The following CEP63 variants were observed in gnomAD, a reference collection of about 807,000 sequenced individuals.
CEP63 encodes the protein centrosomal protein of 63 kDa.
In CEP63, 84 loss-of-function variants were observed where a neutral mutation model predicts 89.1. That is an observed-to-expected ratio of 0.94 (90% CI 0.79 to 1.13). CEP63 has a LOEUF of 1.13. Ranked by LOEUF, CEP63 falls within the 50% of genes most tolerant of loss-of-function variation. CEP63 has a pLI of 0.00. For synonymous variants in CEP63, 267 were observed against 272.5 expected, an observed-to-expected ratio of 0.98 and a Z score of 0.20; for missense variants, 838 against 813.3, an observed-to-expected ratio of 1.03 and a Z score of -0.37.
the CEP63 span, among the ~76,000 whole-genome samples, chr3:134,715,921 C>T: frequency 6.6e-6 from 1 of 152,132 alleles, no homozygotes. Context: ...CAATTAAGCT[C>T]CTAAAACCAG....
In CEP63 at chr3:134,563,520, T is replaced by G. The variant is rs1957529719; in HGVS notation, c.*1985T>G. ...TCTCTGCAACCTCCACCTCCCGGGC[T>G]CAAGTGATTCTCCTGCCTTAGCTTC... On this transcript the variant is annotated 3_prime_UTR_variant, in exon 15 of 15. Transcript: ENST00000675561. The G allele has an allele frequency of 6.6e-6, 1 of 152,156 alleles. No individual in the cohort carries two copies. The highest frequency in any genetic ancestry group is 2.4e-5 in the African/African-American group (1 of 41,382). The allele number at this position is 152,156 out of a possible 1,614,324, so 9.4% of individuals were successfully genotyped here. A position where few individuals can be genotyped will look rare whatever the true frequency, so the allele number is the denominator to read the frequency against.
At chr3:134,529,339 C>CTTTTTTTTTTTTTTTT in intron 3 of CEP63, among the ~76,000 whole-genome samples, 1 of 116,938 alleles carries the variant, frequency 8.6e-6, no homozygotes, top group Non-Finnish European at 1.7e-5. Flanking sequence ...TCCCCATTGA[C>CTTTTTTTTTTTTTTTT]TTTTTTTTTT....
In CEP63 at chr3:134,561,618, A is replaced by G; in HGVS notation, c.*83A>G. 9 of 1,539,090 alleles carry G rather than the reference A, an allele frequency of 5.8e-6. No homozygotes were observed. The highest frequency in any genetic ancestry group is 4.9e-5 in the South Asian group (4 of 81,750). On this transcript the variant is annotated 3_prime_UTR_variant, in exon 15 of 15. Transcript: ENST00000675561. ...TCTGAAGTAGCAGCTCTTTAAAAAC[A>G]TGAAGAGATAAAATTATAAAAATGA...
chr3:134,567,898 A>G (rs1429886478), downstream of CEP63, among the ~76,000 whole-genome samples: 1 of 152,228 alleles, frequency 6.6e-6, no homozygotes, highest in Non-Finnish European at 1.5e-5. Context: ...GTTTACAAAC[A>G]CTTTAGAGGG....
the CEP63 span, among the ~76,000 whole-genome samples, chr3:134,707,739 C>CTTTT: frequency 0.55 from 65,968 of 120,292 alleles, 20,919 homozygotes; most frequent in East Asian, 0.72. Flanking sequence ...TGATTCTTTT[C>CTTTT]TTTTTTTTTT....
chr3:134,665,401 G>GT, the CEP63 span, among the ~76,000 whole-genome samples: 1 of 152,216 alleles, frequency 6.6e-6, no homozygotes, highest in Admixed American at 6.5e-5. Flanking sequence ...AGCCTGGCCT[G>GT]TTTCAAGGTT....
At chr3:134,743,112 G>A in the CEP63 span, among the ~76,000 whole-genome samples, 12 of 152,304 alleles carry the variant, frequency 7.9e-5, no homozygotes, top group Admixed American at 2.0e-4. Context: ...GCCATATGGG[G>A]CATGCATGGA....
chr3:134,551,112 G>A (rs1485249800), intron 11 of CEP63, among the ~76,000 whole-genome samples: 1 of 152,182 alleles, frequency 6.6e-6, no homozygotes, highest in African/African-American at 2.4e-5. Context: ...ACACAGACTG[G>A]GGAAACTGGT....
chr3:134,655,169 C>G, the CEP63 span, among the ~76,000 whole-genome samples: 1 of 152,064 alleles, frequency 6.6e-6, no homozygotes, highest in African/African-American at 2.4e-5. Context: ...TCCTGTATTC[C>G]AGCCAGACCC....
the CEP63 span, among the ~76,000 whole-genome samples, chr3:134,696,243 C>G: frequency 6.6e-6 from 1 of 152,242 alleles, no homozygotes; most frequent in African/African-American, 2.4e-5. Context: ...CTAAGCGTGA[C>G]TTGCCCTTGA....
the CEP63 span, among the ~76,000 whole-genome samples, chr3:134,774,427 T>A: frequency 6.6e-6 from 1 of 152,194 alleles, no homozygotes; most frequent in East Asian, 1.9e-4. Flanking sequence ...AAGTACCTTC[T>A]AAGGAGAATC....
the CEP63 span, among the ~76,000 whole-genome samples, chr3:134,765,472 T>G: frequency 6.6e-6 from 1 of 151,820 alleles, no homozygotes; most frequent in Non-Finnish European, 1.5e-5. Context: ...CATCTGTGAG[T>G]GAGTGAATAA....
the CEP63 span, chr3:134,620,917 G>C: frequency 9.9e-7 from 1 of 1,015,026 alleles, no homozygotes; most frequent in South Asian, 1.4e-5. Flanking sequence ...TGGGGGCCCA[G>C]CATCTTGCAC....
chr3:134,767,665 G>A, the CEP63 span, among the ~76,000 whole-genome samples: 2 of 152,130 alleles, frequency 1.3e-5, no homozygotes, highest in South Asian at 2.1e-4. Context: ...GCCTTTTCCC[G>A]ACTCCCACAC....
chr3:134,646,805 C>T, the CEP63 span, among the ~76,000 whole-genome samples: 3 of 152,118 alleles, frequency 2.0e-5, no homozygotes, highest in South Asian at 2.1e-4. Flanking sequence ...AGAACCTTCA[C>T]GTGCCCACTG....
At chr3:134,629,760 A>G in the CEP63 span, 1 of 927,882 alleles carries the variant, frequency 1.1e-6, no homozygotes, top group Non-Finnish European at 1.7e-6. Context: ...ATGCCTCATG[A>G]CTGATGATTG....
the CEP63 span, among the ~76,000 whole-genome samples, chr3:134,620,310 C>T: frequency 2.3e-4 from 35 of 152,272 alleles, no homozygotes; most frequent in African/African-American, 8.2e-4. Context: ...AAGTGGAGAA[C>T]CCGCTTTTCC....
the CEP63 span, among the ~76,000 whole-genome samples, chr3:134,694,142 G>A: frequency 6.6e-6 from 1 of 152,170 alleles, no homozygotes. Flanking sequence ...TGAAGGGCAG[G>A]GGGCTCTCAA....
chr3:134,754,843 A>G, the CEP63 span, among the ~76,000 whole-genome samples: 9 of 152,262 alleles, frequency 5.9e-5, no homozygotes, highest in East Asian at 1.7e-3. Context: ...ACAGGCAAGC[A>G]TTTAGCTCCT....
Sources: allele counts gnomAD v4.1 joint callset (sites outside exome capture counted in the v4.1 genomes callset), GRCh38; gene constraint gnomAD v4.1.1; transcripts MANE v1.5; gene names NCBI Gene and HGNC (gene_info 2026-07-23, HGNC 2026-07-21).